LAMA1: variants seen among roughly 807,000 people sequenced by gnomAD.
LAMA1 encodes the protein laminin subunit alpha-1.
A neutral mutation model predicts 348.7 loss-of-function variants in LAMA1; 219 were observed. The observed-to-expected ratio is 0.63, with a 90% CI of 0.56 to 0.70. The LOEUF is 0.70. Among genes scored for constraint, LAMA1 ranks in the 30% least tolerant of loss-of-function variants. The pLI is 0.00. For missense variants in LAMA1, 3,744 were observed against 3,888.0 expected, an observed-to-expected ratio of 0.96 and a Z score of 0.99; for synonymous variants, 1,487 against 1,491.0, an observed-to-expected ratio of 1.00 and a Z score of 0.06.
Position 6,999,446 on chromosome 18 carries a change from AAC to A in LAMA1, c.4660_4661del (p.Val1554PhefsTer3), listed in dbSNP as rs2057797414. On this transcript the variant is annotated frameshift_variant and splice_region_variant, in exon 32 of 63. Transcript: ENST00000389658. LOFTEE classifies it high-confidence loss of function. ...PRHILMETDC[V>X]SCDDECVGVL... is the part of the protein sequence containing the mutation. ...CACATTTAGAGGAGAAATACTCACA[AAC>A]ACAATCTGTTTCCATCAGAATGTGC... The A allele has an allele frequency of 1.2e-6, 2 of 1,614,072 alleles. No homozygotes were observed. The highest frequency in any genetic ancestry group is 1.3e-5 in the African/African-American group (1 of 74,942).
chr18:7,086,545 A>G (rs2058218167), intron 1 of LAMA1, among the ~76,000 whole-genome samples: 1 of 152,000 alleles, frequency 6.6e-6, no homozygotes, highest in Non-Finnish European at 1.5e-5. Context: ...TGCACTTATC[A>G]TTCATACAGA....
At chr18:6,942,893 GAC>G (rs1252090538) in intron 62 of LAMA1, among the ~76,000 whole-genome samples, 5 of 152,142 alleles carry the variant, frequency 3.3e-5, no homozygotes, top group Admixed American at 1.3e-4. Flanking sequence ...GCCCTAAAAT[GAC>G]TCCCAAGTCT....
chr18:7,035,997 A>C lies in LAMA1; in HGVS notation c.1829T>G (p.Val610Gly). Residue 610 changes from valine (V) to glycine (G), a missense_variant, in exon 13 of 63, where the codon GTC (valine) becomes GGC (glycine). Around this residue, in one of 3 missense-constraint regions of LAMA1, gnomAD observed 1,529 missense variants for 1,689.4 expected, o/e 0.91. Coordinates refer to ENST00000389658, the MANE Select transcript of LAMA1 (RefSeq NM_005559.4). ...VDSNLMSHAD[V>G]IIKGNGLTLS... Reference sequence around the variant, plus strand: ...AGCAAAAACAATCACCTTAATGATGACGTCAGCATGCGACATGAGGTTACT... The same window carrying C: ...AGCAAAAACAATCACCTTAATGATGCCGTCAGCATGCGACATGAGGTTACT... 2 of 1,613,402 alleles carry C rather than the reference A, an allele frequency of 1.2e-6. No individual in the cohort carries two copies. The highest frequency in any genetic ancestry group is 1.7e-6 in the Non-Finnish European group (2 of 1,179,254).
At chr18:7,106,192 G>A (rs1353138765) in intron 1 of LAMA1, among the ~76,000 whole-genome samples, 6 of 152,136 alleles carry the variant, frequency 3.9e-5, no homozygotes, top group Non-Finnish European at 5.9e-5. Context: ...TGTGGGCTGC[G>A]GTGGGCAGGA....
At position 6,964,676 on chromosome 18, in the gene LAMA1, C is replaced by G; in HGVS notation, c.7323G>C (p.Arg2441Ser). 3 of 1,614,138 alleles carry G rather than the reference C, an allele frequency of 1.9e-6. No homozygotes were observed. Among genetic ancestry groups the G allele is most frequent in the Non-Finnish European group, 2.5e-6 (3 of 1,180,022 alleles). The change falls in exon 51 of 63, where the codon AGG (arginine) becomes AGC (serine). Residue 2441 changes from arginine (R) to serine (S), a missense_variant. Arg to Ser is a moderately radical substitution (Grantham distance 110). Transcript: ENST00000389658. ...GTTTAATATACCTTACAACTCTTGA[C>G]CTTGGTAATCCACCCACATAAATCG... The part of the protein sequence containing the change: ...KDPIYVGGLP[R>S]SRVVRRGVTT...
At chr18:6,978,792 G>C (rs949520770) in intron 42 of LAMA1, among the ~76,000 whole-genome samples, 1 of 152,078 alleles carries the variant, frequency 6.6e-6, no homozygotes, top group African/African-American at 2.4e-5. Context: ...CATGAAACAT[G>C]TCCTCCACCT....
intron 1 of LAMA1, among the ~76,000 whole-genome samples, chr18:7,099,061 T>C (rs1200799575): frequency 6.6e-5 from 10 of 151,964 alleles, no homozygotes; most frequent in South Asian, 2.1e-4. Flanking sequence ...AGAAATCGGA[T>C]GGTTGCCGTG....
intron 3 of LAMA1, among the ~76,000 whole-genome samples, chr18:7,057,262 T>A (rs978972135): frequency 5.9e-5 from 9 of 152,084 alleles, no homozygotes; most frequent in Admixed American, 4.6e-4. Context: ...GGTTAGGTAA[T>A]CTTCCCAGGA....
intron 52 of LAMA1, 75 bp from the exon 53 acceptor site, chr18:6,961,834 G>A (rs2057609381): frequency 3.2e-6 from 5 of 1,579,828 alleles, no homozygotes; most frequent in Admixed American, 3.3e-5. Context: ...GGACACTGCT[G>A]ATTTCCCCAT....
At chr18:6,955,584 C>A (rs2057572538) in intron 56 of LAMA1, 119 bp from the exon 57 acceptor site, 2 of 734,046 alleles carry the variant, frequency 2.7e-6, no homozygotes, top group Non-Finnish European at 4.9e-6. Context: ...GCAACAACCA[C>A]CAGTGCCTGT....
chr18:6,958,710 A>G (rs1354749444), intron 54 of LAMA1, 48 bp from the exon 55 acceptor site: 5 of 1,484,748 alleles, frequency 3.4e-6, no homozygotes, highest in African/African-American at 1.4e-5. Flanking sequence ...AACATAATGA[A>G]ATAATAATTC....
intron 3 of LAMA1, among the ~76,000 whole-genome samples, chr18:7,068,720 A>T (rs900639448): frequency 2.0e-5 from 3 of 152,146 alleles, no homozygotes; most frequent in African/African-American, 7.2e-5. Flanking sequence ...GCCATGTTTT[A>T]AAAACGTTGT....
chr18:6,957,630 G>A (rs892240028), intron 55 of LAMA1, among the ~76,000 whole-genome samples: 3 of 152,146 alleles, frequency 2.0e-5, no homozygotes, highest in African/African-American at 7.2e-5. Context: ...GTGTTCCTGG[G>A]CAGATGCTGG....
chr18:7,070,303 TTCTA>T (rs1448731350), intron 3 of LAMA1, among the ~76,000 whole-genome samples: 1 of 152,164 alleles, frequency 6.6e-6, no homozygotes, highest in Non-Finnish European at 1.5e-5. Context: ...TAAAAGTAAT[TTCTA>T]TCTGAGTGCT....
At position 7,044,769 on chromosome 18, in the gene LAMA1, T is replaced by C. The variant is rs2058035140; in HGVS notation, c.929A>G (p.Gln310Arg). ...SCNRCCPGYHQQPWRPGTVSS... is the reference protein window; with the variant it reads ...SCNRCCPGYHRQPWRPGTVSS... The stretch of plus-strand genomic sequence containing the variant: ...CACGGTTCCCGGCCTCCAGGGCTGC[T>C]GATGGTACCCAGGACAGCACCTGTT... The change falls in exon 7 of 63, where the codon CAG becomes CGG. Residue 310 changes from glutamine (Q) to arginine (R), a missense_variant. Physicochemically the swap from Gln to Arg is conservative, Grantham distance 43 (BLOSUM62 1). Around this residue, in one of 3 missense-constraint regions of LAMA1, gnomAD observed 1,529 missense variants for 1,689.4 expected, o/e 0.91. Coordinates refer to ENST00000389658, the MANE Select transcript of LAMA1 (RefSeq NM_005559.4). 2 of 1,614,226 alleles carry C rather than the reference T, an allele frequency of 1.2e-6. No homozygotes were observed. Among genetic ancestry groups the C allele is most frequent in the Non-Finnish European group, 1.7e-6 (2 of 1,180,040 alleles).
At chr18:7,057,395 C>T (rs765737788) in intron 3 of LAMA1, among the ~76,000 whole-genome samples, 2 of 151,796 alleles carry the variant, frequency 1.3e-5, no homozygotes, top group African/African-American at 2.4e-5. Context: ...GCTGAGACAA[C>T]GGATAAGCCC....
At chr18:6,959,784 T>C in intron 53 of LAMA1, 1 of 358,816 alleles carries the variant, frequency 2.8e-6, no homozygotes, top group South Asian at 2.7e-5. Context: ...AGTAGATATA[T>C]TGTAATTTGT....
At chr18:7,017,926 T>C (rs2057896469) in intron 19 of LAMA1, among the ~76,000 whole-genome samples, 3 of 152,326 alleles carry the variant, frequency 2.0e-5, no homozygotes, top group East Asian at 3.9e-4. Flanking sequence ...AGTTACAACA[T>C]TGATGCTTAA....
chr18:7,002,947 C>T (rs2057814631), intron 29 of LAMA1, among the ~76,000 whole-genome samples: 1 of 151,748 alleles, frequency 6.6e-6, no homozygotes, highest in Non-Finnish European at 1.5e-5. Context: ...GTGGTGCAAT[C>T]ATAGCTCACT....
Sources: gnomAD v4.1 joint callset for allele counts (sites outside exome capture counted in the v4.1 genomes callset) on GRCh38, gnomAD v4.1.1 for gene constraint, gnomAD v4.1.1 regional missense constraint, MANE v1.5 for transcripts, NCBI Gene and HGNC (gene_info 2026-07-23, HGNC 2026-07-21) for gene names.